The following FHIP1A variants were observed in gnomAD, a reference collection of about 807,000 sequenced individuals.
The protein encoded by FHIP1A is FHF complex subunit HOOK-interacting protein 1A.
In FHIP1A, 61 loss-of-function variants were observed where a neutral mutation model predicts 88.6. The observed-to-expected ratio is 0.69, with a 90% CI of 0.56 to 0.85. The LOEUF is 0.85. Ranked by LOEUF, FHIP1A falls within the 40% of genes least tolerant of loss-of-function variation. The pLI is 0.00. For synonymous variants in FHIP1A, 478 were observed against 496.0 expected (o/e 0.96, Z 0.48); for missense variants, 1,154 against 1,273.5 (o/e 0.91, Z 1.43).
At chr4:151,454,434 A>T (rs1220737948) in intron 1 of FHIP1A, among the ~76,000 whole-genome samples, 1 of 152,044 alleles carries the variant, frequency 6.6e-6, no homozygotes, top group African/African-American at 2.4e-5. Flanking sequence ...CACTACAGAG[A>T]CTCTGAAATA....
At chr4:151,645,883 C>T (rs1736775266) in intron 9 of FHIP1A, among the ~76,000 whole-genome samples, 1 of 152,034 alleles carries the variant, frequency 6.6e-6, no homozygotes. Context: ...GATCACCAAC[C>T]AAAAGTGTTT....
intron 3 of FHIP1A, among the ~76,000 whole-genome samples, chr4:151,529,889 T>C (rs1032646276): frequency 1.3e-5 from 2 of 152,186 alleles, no homozygotes; most frequent in African/African-American, 4.8e-5. Context: ...TTTTTCAATT[T>C]TGAGTTTTTC....
intron 7 of FHIP1A, among the ~76,000 whole-genome samples, chr4:151,594,719 G>A (rs372412634): frequency 4.6e-5 from 7 of 151,832 alleles, no homozygotes; most frequent in Non-Finnish European, 8.8e-5. Context: ...GACTACAGGC[G>A]CCTGCCACCA....
At chr4:151,496,716 CTTTTTTTT>C (rs58538673) in intron 3 of FHIP1A, among the ~76,000 whole-genome samples, 1 of 102,472 alleles carries the variant, frequency 9.8e-6, no homozygotes, top group Non-Finnish European at 1.9e-5. Flanking sequence ...CCACGTCCAG[CTTTTTTTT>C]TTTTTTTTTG....
chr4:151,553,845 A>C lies in FHIP1A; in HGVS notation c.-122-12293A>C, dbSNP rs77003388. 6.1e-3 allele frequency among the ~76,000 whole-genome samples: 936 copies of C among 152,340 alleles called. 12 individuals are homozygous for C. The highest frequency in any genetic ancestry group is 0.021 in the African/African-American group (873 of 41,590). On this transcript the variant is annotated intron_variant, in intron 3 of 13. Transcript: ENST00000435205. Reference sequence around the variant, plus strand: ...CCAAGCAAACAAACAAACAAACAAAAAACAAATGTAGAGGTTTCATTAGAG... The same window carrying C: ...CCAAGCAAACAAACAAACAAACAAACAACAAATGTAGAGGTTTCATTAGAG...
chr4:151,477,644 AAAAAGTCC>A (rs1729755232), intron 2 of FHIP1A, among the ~76,000 whole-genome samples: 1 of 152,170 alleles, frequency 6.6e-6, no homozygotes, highest in African/African-American at 2.4e-5. Flanking sequence ...AATCCATAAG[AAAAAGTCC>A]AAAAACCAGA....
At chr4:151,535,339 A>C (rs2126718552) in intron 3 of FHIP1A, among the ~76,000 whole-genome samples, 1 of 152,356 alleles carries the variant, frequency 6.6e-6, no homozygotes, top group South Asian at 2.1e-4. Flanking sequence ...ATATGTCATA[A>C]AATGGCACTC....
At chr4:151,439,897 G>A (rs908354426) in intron 1 of FHIP1A, among the ~76,000 whole-genome samples, 3 of 152,062 alleles carry the variant, frequency 2.0e-5, no homozygotes, top group South Asian at 2.1e-4. Flanking sequence ...TTTACATACT[G>A]TATAATGTAT....
chr4:151,437,107 T>C (rs768811562), intron 1 of FHIP1A, among the ~76,000 whole-genome samples: 14 of 152,154 alleles, frequency 9.2e-5, no homozygotes, highest in Non-Finnish European at 1.5e-4. Flanking sequence ...GATATGGATA[T>C]GGAGGGTTGA....
chr4:151,482,657 T>G lies in FHIP1A; in HGVS notation c.-123+9T>G, dbSNP rs1729940925. The stretch of plus-strand genomic sequence containing the variant: ...GAAGACAGCAGCCCCAGGTAATGTC[T>G]TCTTTTCTCATTATTATTGACATGT... On this transcript the variant is annotated intron_variant, in intron 3 of 13. Transcript: ENST00000435205. 1 of 152,014 alleles carries G rather than the reference T, an allele frequency of 6.6e-6. No homozygotes were observed. Among genetic ancestry groups the G allele is most frequent in the South Asian group, 2.1e-4 (1 of 4,822 alleles). 9.4% of individuals were successfully genotyped at this position (152,014 alleles called of 1,614,324 possible). A position where few individuals can be genotyped will look rare whatever the true frequency, so the allele number is the denominator to read the frequency against.
chr4:151,476,349 A>G (rs1580610858), intron 2 of FHIP1A, among the ~76,000 whole-genome samples: 2 of 151,560 alleles, frequency 1.3e-5, no homozygotes, highest in Non-Finnish European at 2.9e-5. Flanking sequence ...AAGTCTTGCT[A>G]TGTTGCCTAG....
In FHIP1A at chr4:151,667,387, T is replaced by C. The variant is rs538439110; in HGVS notation, c.*4633T>C. The C allele has an allele frequency of 6.6e-6, 1 of 152,318 alleles. No homozygotes were observed. Among genetic ancestry groups the C allele is most frequent in the East Asian group, 1.9e-4 (1 of 5,192 alleles). The allele number at this position is 152,318 out of a possible 1,614,324, so 9.4% of individuals were successfully genotyped here. On this transcript the variant is annotated 3_prime_UTR_variant, in exon 14 of 14. Coordinates refer to ENST00000435205, the MANE Select transcript of FHIP1A (RefSeq NM_001109977.3). ...CACTGTAAGAGAATGCAGTTGACTC[T>C]TTCCCCCCCTTCTTTTTGAATGAAC...
intron 6 of FHIP1A, among the ~76,000 whole-genome samples, chr4:151,588,006 T>C (rs1319906802): frequency 6.6e-6 from 1 of 152,134 alleles, no homozygotes; most frequent in Non-Finnish European, 1.5e-5. Flanking sequence ...CTTTTTACTT[T>C]ATTGTTTGAC....
At chr4:151,632,747 C>A (rs1198228802) in intron 8 of FHIP1A, among the ~76,000 whole-genome samples, 1 of 151,894 alleles carries the variant, frequency 6.6e-6, no homozygotes, top group Non-Finnish European at 1.5e-5. Context: ...AAGAAGAAAT[C>A]ACAAGGGAAT....
intron 1 of FHIP1A, among the ~76,000 whole-genome samples, chr4:151,420,437 CT>C (rs1733079477): frequency 6.6e-6 from 1 of 152,152 alleles, no homozygotes. Flanking sequence ...CTACCTCTTC[CT>C]TTTTCCCCAT....
At chr4:151,525,802 C>G (rs1484369549) in intron 3 of FHIP1A, among the ~76,000 whole-genome samples, 2 of 146,912 alleles carry the variant, frequency 1.4e-5, no homozygotes, top group Non-Finnish European at 3.0e-5. Flanking sequence ...GTGTTTCTCG[C>G]AGAGGGGGAT....
At chr4:151,512,121 G>A (rs1056415539) in intron 3 of FHIP1A, among the ~76,000 whole-genome samples, 2 of 152,214 alleles carry the variant, frequency 1.3e-5, no homozygotes, top group Non-Finnish European at 2.9e-5. Flanking sequence ...AGCAGCATTC[G>A]TGGATCACGA....
At chr4:151,638,352 A>T (rs375301391) in intron 8 of FHIP1A, among the ~76,000 whole-genome samples, 356 of 93,176 alleles carry the variant, frequency 3.8e-3, no homozygotes, top group Non-Finnish European at 7.5e-3. Flanking sequence ...TGTGTATGTG[A>T]GAGAGAGAGA....
intron 2 of FHIP1A, among the ~76,000 whole-genome samples, chr4:151,456,884 T>C (rs1728985212): frequency 6.6e-6 from 1 of 152,084 alleles, no homozygotes; most frequent in African/African-American, 2.4e-5. Context: ...TACCTTTTAC[T>C]TTGCAGTTAT....
Sources: allele counts gnomAD v4.1 joint callset (sites outside exome capture counted in the v4.1 genomes callset), GRCh38; gene constraint gnomAD v4.1.1; transcripts MANE v1.5; gene names NCBI Gene and HGNC (gene_info 2026-07-23, HGNC 2026-07-21).